The following LAPTM4A variants were observed in gnomAD, a reference collection of about 807,000 sequenced individuals.
LAPTM4A encodes the protein lysosomal protein transmembrane 4 alpha.
In LAPTM4A, 19 loss-of-function variants were observed where a neutral mutation model predicts 29.9. The ratio of observed to expected loss-of-function variants is 0.64; its 90% CI spans 0.44 to 0.93. LAPTM4A has a LOEUF of 0.93. Ranked by LOEUF, LAPTM4A falls within the 40% of genes least tolerant of loss-of-function variation. The pLI is 0.00. For synonymous variants in LAPTM4A, 105 were observed against 102.1 expected, an observed-to-expected ratio of 1.03 and a Z score of -0.17; for missense variants, 293 against 288.5, an observed-to-expected ratio of 1.02 and a Z score of -0.11.
At chr2:20,034,542 A>G in intron 5 of LAPTM4A, 127 bp from the exon 6 acceptor site, 1 of 695,684 alleles carries the variant, frequency 1.4e-6, no homozygotes, top group Non-Finnish European at 2.6e-6. Flanking sequence ...CTCTGTGTGG[A>G]CCCAGCACAG....
chr2:20,042,988 G>A (rs558917023), intron 1 of LAPTM4A, among the ~76,000 whole-genome samples: 1 of 152,248 alleles, frequency 6.6e-6, no homozygotes, highest in South Asian at 2.1e-4. Flanking sequence ...CGCCCAGGCT[G>A]GAGTGCAGTA....
At chr2:20,037,036 C>A (rs954951323) in intron 4 of LAPTM4A, among the ~76,000 whole-genome samples, 1 of 152,166 alleles carries the variant, frequency 6.6e-6, no homozygotes, top group Non-Finnish European at 1.5e-5. Context: ...AATTACTGTA[C>A]CTTTGGATGC....
intron 6 of LAPTM4A, among the ~76,000 whole-genome samples, chr2:20,033,660 G>T (rs572530021): frequency 6.6e-6 from 1 of 152,298 alleles, no homozygotes; most frequent in South Asian, 2.1e-4. Flanking sequence ...CCAATAAGAC[G>T]CTAGCTCCTG....
At chr2:20,049,859 C>G (rs1334517936) in intron 1 of LAPTM4A, among the ~76,000 whole-genome samples, 2 of 152,008 alleles carry the variant, frequency 1.3e-5, no homozygotes, top group Non-Finnish European at 2.9e-5. Flanking sequence ...TGAGGATCCT[C>G]AAGGTTTGAA....
At chr2:20,046,445 G>C (rs1157481700) in intron 1 of LAPTM4A, among the ~76,000 whole-genome samples, 1 of 151,940 alleles carries the variant, frequency 6.6e-6, no homozygotes, top group African/African-American at 2.4e-5. Flanking sequence ...TTCAACAAAT[G>C]TGTAATGAAC....
At position 20,037,315 on chromosome 2, in the gene LAPTM4A, C is replaced by T. The variant is rs1397606791; in HGVS notation, c.432+1G>A. The T allele has an allele frequency of 1.4e-5, 22 of 1,606,062 alleles. No homozygotes were observed. The highest frequency in any genetic ancestry group is 1.8e-5 in the Non-Finnish European group (21 of 1,176,394). Reference sequence around the variant, plus strand: ...TAAGTTTAATGAGCATACACACTTACTAGTTGATCCAGATATTCTTTGATT... The same window carrying T: ...TAAGTTTAATGAGCATACACACTTATTAGTTGATCCAGATATTCTTTGATT... On this transcript the variant is annotated splice_donor_variant, in intron 4 of 6. Transcript: ENST00000175091. LOFTEE classifies it high-confidence loss of function.
chr2:20,047,691 C>T (rs1236487659), intron 1 of LAPTM4A, among the ~76,000 whole-genome samples: 1 of 101,990 alleles, frequency 9.8e-6, no homozygotes, highest in African/African-American at 3.1e-5. Context: ...AGCGAGACTC[C>T]GTCTCAAAAA....
intron 1 of LAPTM4A, 82 bp from the exon 2 acceptor site, chr2:20,041,093 T>G: frequency 7.3e-7 from 1 of 1,362,380 alleles, no homozygotes; most frequent in East Asian, 2.3e-5. Flanking sequence ...TCCTCTCATA[T>G]TTAAGATTGT....
chr2:20,046,777 TAA>T (rs1673932835), intron 1 of LAPTM4A, among the ~76,000 whole-genome samples: 1 of 145,418 alleles, frequency 6.9e-6, no homozygotes, highest in African/African-American at 2.5e-5. Flanking sequence ...ATATAATATA[TAA>T]ATATATATAT....
At chr2:20,045,832 T>C (rs1572400152) in intron 1 of LAPTM4A, among the ~76,000 whole-genome samples, 1 of 152,250 alleles carries the variant, frequency 6.6e-6, no homozygotes, top group East Asian at 1.9e-4. Flanking sequence ...CCACAGTAAT[T>C]TGCCCAGAGC....
intron 1 of LAPTM4A, among the ~76,000 whole-genome samples, chr2:20,048,797 CTCTG>C (rs779000771): frequency 2.0e-5 from 3 of 152,194 alleles, no homozygotes; most frequent in Non-Finnish European, 2.9e-5. Context: ...CATATTGTTT[CTCTG>C]TCTTAGTAAA....
At chr2:20,040,817 C>T (rs1278541917) in intron 2 of LAPTM4A, 74 bp downstream of exon 2, 2 of 1,309,940 alleles carry the variant, frequency 1.5e-6, no homozygotes, top group Non-Finnish European at 2.2e-6. Flanking sequence ...AATGTGTCCC[C>T]ATCATTAAAC....
intron 1 of LAPTM4A, among the ~76,000 whole-genome samples, chr2:20,041,376 T>C (rs1313792691): frequency 1.3e-5 from 2 of 152,220 alleles, no homozygotes; most frequent in Non-Finnish European, 2.9e-5. Flanking sequence ...ATCTGTTATA[T>C]TTATTCATCA....
At position 20,034,341 on chromosome 2, in the gene LAPTM4A, G is replaced by A; in HGVS notation, c.603C>T (p.Tyr201=). ...NNRNVPEIAV[Y]PAFEAPPQYV... ...CCTGAGGAGGTGCTTCAAAGGCAGG[G>A]TACACAGCAATCTCCGGCACGTTTC... Residue 201 remains tyrosine (Y), a synonymous_variant, in exon 6 of 7, where the codon TAC becomes TAT. Coordinates refer to ENST00000175091, the MANE Select transcript of LAPTM4A (RefSeq NM_014713.5). 6.2e-7 allele frequency: 1 copy of A among 1,613,568 alleles called. No homozygotes were observed. Among genetic ancestry groups the A allele is most frequent in the Non-Finnish European group, 8.5e-7 (1 of 1,179,484 alleles).
At chr2:20,044,982 G>A (rs1673880760) in intron 1 of LAPTM4A, among the ~76,000 whole-genome samples, 1 of 152,156 alleles carries the variant, frequency 6.6e-6, no homozygotes, top group Non-Finnish European at 1.5e-5. Flanking sequence ...GGCCTCAAGT[G>A]ATCCTACTGC....
intron 1 of LAPTM4A, among the ~76,000 whole-genome samples, chr2:20,047,002 G>A (rs1178122721): frequency 1.3e-5 from 2 of 151,632 alleles, no homozygotes; most frequent in Non-Finnish European, 2.9e-5. Context: ...TCCTACCAAT[G>A]TGTACTGAGT....
rs980256742 is a variant in LAPTM4A, at chr2:20,034,857, G to A, written c.528+110C>T. 35 of 757,696 alleles carry A rather than the reference G, an allele frequency of 4.6e-5. No individual in the cohort carries two copies. The Middle Eastern group carries it at 4.2e-3, about 90-fold the overall frequency. The allele number at this position is 757,696 out of a possible 1,614,324, so 46.9% of individuals were successfully genotyped here. A position where few individuals can be genotyped will look rare whatever the true frequency, so the allele number is the denominator to read the frequency against. ...CTGCTCATGTGCCAGAATAAACACT[G>A]TCCCCACAAATCCTCAATCTCCTGT... is the stretch of plus-strand genomic sequence containing the variant. On this transcript the variant is annotated intron_variant, in intron 5 of 6. Coordinates refer to ENST00000175091, the MANE Select transcript of LAPTM4A (RefSeq NM_014713.5).
chr2:20,037,721 T>A, intron 2 of LAPTM4A, 107 bp from the exon 3 acceptor site: 1 of 694,468 alleles, frequency 1.4e-6, no homozygotes, highest in Non-Finnish European at 2.2e-6. Flanking sequence ...TTTTCAAAAT[T>A]GGCTATAAAA....
chr2:20,047,481 G>C (rs1229006650), intron 1 of LAPTM4A, among the ~76,000 whole-genome samples: 1 of 149,044 alleles, frequency 6.7e-6, no homozygotes, highest in South Asian at 2.1e-4. Context: ...ATGAGGTCAG[G>C]AGATCGAGAC....
Sources: gnomAD v4.1 joint callset for allele counts (sites outside exome capture counted in the v4.1 genomes callset) on GRCh38, gnomAD v4.1.1 for gene constraint, MANE v1.5 for transcripts, NCBI Gene and HGNC (gene_info 2026-07-23, HGNC 2026-07-21) for gene names.